The following CRYZ variants were observed in gnomAD, a reference collection of about 807,000 sequenced individuals.
CRYZ encodes the protein zeta-crystallin.
In CRYZ, 35 loss-of-function variants were observed where a neutral mutation model predicts 34.1. The ratio of observed to expected loss-of-function variants is 1.03; its 90% CI spans 0.78 to 1.36. The LOEUF is 1.36. CRYZ is among the 40% of genes most tolerant of loss of function. CRYZ has a pLI of 0.00. For synonymous variants in CRYZ, 137 were observed against 136.5 expected, an observed-to-expected ratio of 1.00 and a Z score of -0.03; for missense variants, 403 against 391.8, an observed-to-expected ratio of 1.03 and a Z score of -0.24.
At position 74,733,039 on chromosome 1, in the gene CRYZ, T is replaced by C. The variant is rs753695030; in HGVS notation, c.-97A>G. The C allele has an allele frequency of 3.0e-6, 2 of 661,772 alleles. No homozygotes were observed. Among genetic ancestry groups the C allele is most frequent in the East Asian group, 2.9e-5 (1 of 34,728 alleles). The allele number at this position is 661,772 out of a possible 1,614,324, so 41.0% of individuals were successfully genotyped here. On this transcript the variant is annotated 5_prime_UTR_variant, in exon 1 of 9. Coordinates refer to ENST00000340866, the MANE Select transcript of CRYZ (RefSeq NM_001889.4). ...GGACTGCCACACCTTCTCCAACTTTTGCAGGCTCCACCCAGGATGTGCGCC... is the reference window on the plus strand; with the variant it reads ...GGACTGCCACACCTTCTCCAACTTTCGCAGGCTCCACCCAGGATGTGCGCC...
chr1:74,710,387 A>T, intron 5 of CRYZ, 140 bp from the exon 6 acceptor site: 1 of 665,478 alleles, frequency 1.5e-6, no homozygotes, highest in Non-Finnish European at 2.4e-6. Context: ...AAATAAGAAA[A>T]ACAGCTAACT....
chr1:74,723,022 C>T, intron 3 of CRYZ, 96 bp downstream of exon 3: 7 of 1,281,672 alleles, frequency 5.5e-6, no homozygotes, highest in Non-Finnish European at 6.5e-6. Flanking sequence ...GTAATGGGGC[C>T]TTTTAAAACC....
chr1:74,720,372 A>G (rs4650283), intron 3 of CRYZ, among the ~76,000 whole-genome samples: 9,458 of 152,138 alleles, frequency 0.062, 365 homozygotes, highest in African/African-American at 0.09. Flanking sequence ...AGCCTCAACA[A>G]ATGTCTGCTG....
intron 3 of CRYZ, among the ~76,000 whole-genome samples, chr1:74,720,589 C>G (rs1289103197): frequency 1.3e-5 from 2 of 152,056 alleles, no homozygotes; most frequent in African/African-American, 4.8e-5. Flanking sequence ...TATACTTTAA[C>G]TGAAATCTGA....
chr1:74,718,987 T>C (rs1188630573), intron 4 of CRYZ, among the ~76,000 whole-genome samples: 3 of 152,166 alleles, frequency 2.0e-5, no homozygotes, highest in Non-Finnish European at 2.9e-5. Flanking sequence ...TCATTTCCCT[T>C]ACTAGACTGT....
rs1294514775 is a variant in CRYZ, at chr1:74,732,970, G to A, written c.-28C>T. ...AAACCACTTACCAGAATCTAGAGTG[G>A]GAATTAAAATCTGCGTGGGCTTCTT... On this transcript the variant is annotated 5_prime_UTR_variant, in exon 1 of 9. Transcript: ENST00000340866. 8.7e-6 allele frequency: 4 copies of A among 461,900 alleles called. No individual in the cohort carries two copies. The highest frequency in any genetic ancestry group is 3.2e-5 in the South Asian group (1 of 31,074). 28.6% of individuals were successfully genotyped at this position (461,900 alleles called of 1,614,324 possible).
intron 1 of CRYZ, among the ~76,000 whole-genome samples, chr1:74,727,026 A>T (rs748663989): frequency 2.0e-5 from 3 of 151,942 alleles, no homozygotes; most frequent in Non-Finnish European, 2.9e-5. Context: ...TTTATTGTCC[A>T]TATCACTATC....
chr1:74,727,644 CAAAAAA>C (rs1169467605), intron 1 of CRYZ, among the ~76,000 whole-genome samples: 1 of 48,694 alleles, frequency 2.1e-5, no homozygotes, highest in East Asian at 5.3e-4. Context: ...GACTCTGTCT[CAAAAAA>C]AAAAAAAAAA....
chr1:74,719,556 C>A (rs1338094581), intron 3 of CRYZ, among the ~76,000 whole-genome samples, 184 bp from the exon 4 acceptor site: 1 of 151,586 alleles, frequency 6.6e-6, no homozygotes, highest in Non-Finnish European at 1.5e-5. Context: ...AGTGCAATGG[C>A]ATGATCTCAG....
intron 4 of CRYZ, among the ~76,000 whole-genome samples, chr1:74,717,955 G>A (rs1215515650): frequency 6.6e-6 from 1 of 150,558 alleles, no homozygotes; most frequent in Non-Finnish European, 1.5e-5. Context: ...CCTACATGCT[G>A]CTATCCCCAA....
At chr1:74,731,125 AT>A (rs1208556817) in intron 1 of CRYZ, among the ~76,000 whole-genome samples, 1 of 152,148 alleles carries the variant, frequency 6.6e-6, no homozygotes, top group Non-Finnish European at 1.5e-5. Context: ...CCTTGGTTTA[AT>A]TTTTGGTTTA....
chr1:74,709,253 T>C (rs1170596986), intron 6 of CRYZ, among the ~76,000 whole-genome samples: 2 of 152,126 alleles, frequency 1.3e-5, no homozygotes, highest in African/African-American at 4.8e-5. Flanking sequence ...GTCTTAAAAT[T>C]AGATTATTGC....
intron 1 of CRYZ, among the ~76,000 whole-genome samples, chr1:74,727,546 G>A (rs1430006411): frequency 1.4e-5 from 2 of 141,184 alleles, no homozygotes; most frequent in Admixed American, 7.3e-5. Context: ...GCAGGAGAAT[G>A]GCGTCAACCC....
chr1:74,729,222 A>G (rs755074623), intron 1 of CRYZ, among the ~76,000 whole-genome samples: 10 of 150,776 alleles, frequency 6.6e-5, no homozygotes, highest in Non-Finnish European at 1.3e-4. Flanking sequence ...ATCATGTGGG[A>G]GCCACATGGC....
At chr1:74,720,843 C>G (rs780558971) in intron 3 of CRYZ, among the ~76,000 whole-genome samples, 2 of 151,742 alleles carry the variant, frequency 1.3e-5, no homozygotes, top group Non-Finnish European at 2.9e-5. Context: ...TACCACTGTC[C>G]CTAACCTCAA....
At chr1:74,732,804 A>T (rs944429104) in intron 1 of CRYZ, 152 bp downstream of exon 1, 1 of 162,620 alleles carries the variant, frequency 6.1e-6, no homozygotes, top group Non-Finnish European at 1.3e-5. Flanking sequence ...CCTGGAGGGG[A>T]ATGGCTTCGG....
At chr1:74,727,446 T>C (rs549671908) in intron 1 of CRYZ, among the ~76,000 whole-genome samples, 2 of 77,926 alleles carry the variant, frequency 2.6e-5, no homozygotes, top group South Asian at 1.2e-3. Context: ...ACCCCATCTC[T>C]ACTAAAAAAT....
chr1:74,709,697 CTGGGCCACACAGATCCAGTTTG>C (rs1646975044), intron 6 of CRYZ, among the ~76,000 whole-genome samples: 1 of 152,176 alleles, frequency 6.6e-6, no homozygotes, highest in South Asian at 2.1e-4. Flanking sequence ...ACTTTATTCC[CTGGGCCACACAGATCCAGTTTG>C]TAATTTACAG....
intron 1 of CRYZ, among the ~76,000 whole-genome samples, chr1:74,728,842 G>A (rs1157534618): frequency 6.6e-6 from 1 of 152,156 alleles, no homozygotes; most frequent in East Asian, 1.9e-4. Context: ...ATCCTCAAGG[G>A]TGGTCCTCGG....
Sources: allele counts gnomAD v4.1 joint callset (sites outside exome capture counted in the v4.1 genomes callset), GRCh38; gene constraint gnomAD v4.1.1; transcripts MANE v1.5; gene names NCBI Gene and HGNC (gene_info 2026-07-23, HGNC 2026-07-21).